The following CEP120 variants were observed in gnomAD, a reference collection of about 807,000 sequenced individuals.
CEP120 encodes the protein centrosomal protein of 120 kDa.
CEP120 carries 113 observed loss-of-function variants against 126.5 expected under a neutral mutation model. The ratio of observed to expected loss-of-function variants is 0.89; its 90% CI spans 0.77 to 1.04. CEP120 has a LOEUF of 1.04. Among genes scored for constraint, CEP120 ranks in the 50% least tolerant of loss-of-function variants. The pLI, the probability that CEP120 is intolerant of heterozygous loss-of-function variation, is 0.00. For synonymous variants in CEP120, 400 were observed against 394.3 expected, an observed-to-expected ratio of 1.01 and a Z score of -0.17; for missense variants, 1,230 against 1,155.7, an observed-to-expected ratio of 1.06 and a Z score of -0.93.
chr5:123,393,140 C>T (rs1467076692), intron 6 of CEP120, among the ~76,000 whole-genome samples, 160 bp downstream of exon 6: 2 of 152,032 alleles, frequency 1.3e-5, no homozygotes, highest in African/African-American at 4.8e-5. Context: ...AACTTCATGA[C>T]TCAGGATAGT....
At position 123,377,400 on chromosome 5, in the gene CEP120, CTTCGAGCTG is replaced by C; in HGVS notation, c.2323_2331del (p.Gln775_Glu777del). ...TGTTGCTGAAGGCGGTGTTTATCCT[CTTCGAGCTG>C]TTTGATTTTTAACCTTTCTAGTTCT... On this transcript the variant is annotated inframe_deletion, in exon 16 of 20. Coordinates refer to ENST00000306467, the MANE Select transcript of CEP120 (RefSeq NM_001375405.1). The C allele has an allele frequency of 6.2e-7, 1 of 1,610,492 alleles. No homozygotes were observed. Among genetic ancestry groups the C allele is most frequent in the Non-Finnish European group, 8.5e-7 (1 of 1,178,924 alleles).
intron 18 of CEP120, among the ~76,000 whole-genome samples, chr5:123,352,338 A>G (rs1016174373): frequency 1.3e-5 from 2 of 151,918 alleles, no homozygotes; most frequent in African/African-American, 4.8e-5. Context: ...GCTCTTTCCT[A>G]TTTAAGACAT....
At chr5:123,401,793 T>G (rs1391134487) in intron 4 of CEP120, 2 of 1,291,358 alleles carry the variant, frequency 1.5e-6, no homozygotes, top group Non-Finnish European at 2.2e-6. Context: ...TGCACGCTTA[T>G]TGATCTCATC....
At chr5:123,359,693 T>C (rs1769926920) in intron 18 of CEP120, among the ~76,000 whole-genome samples, 1 of 152,032 alleles carries the variant, frequency 6.6e-6, no homozygotes, top group Admixed American at 6.6e-5. Context: ...TGCTTATTTA[T>C]ATTTTACAGC....
rs760793869 is a variant in CEP120 at position 123,391,307 on chromosome 5, C to T, written c.841G>A (p.Gly281Arg). 1 of 1,613,998 alleles carries T rather than the reference C, an allele frequency of 6.2e-7. No individual in the cohort carries two copies. Among genetic ancestry groups the T allele is most frequent in the Admixed American group, 1.7e-5 (1 of 60,018 alleles). Residue 281 changes from glycine to arginine, a missense_variant, in exon 7 of 20, where the codon GGA becomes AGA. Coordinates refer to ENST00000306467, the MANE Select transcript of CEP120 (RefSeq NM_001375405.1). Reference protein sequence around the residue: ...IHLCCGDQSLGSTEIPLTGLL... With the variant: ...IHLCCGDQSLRSTEIPLTGLL... ...CCAGTTAAAGGTATTTCTGTACTTC[C>T]AAGTGACTGGTCTCCACAGCAGAGG... is the stretch of plus-strand genomic sequence containing the variant.
At chr5:123,421,654 T>C (rs1227464868) in intron 1 of CEP120, among the ~76,000 whole-genome samples, 3 of 149,908 alleles carry the variant, frequency 2.0e-5, no homozygotes, top group Admixed American at 2.0e-4. Context: ...TTAAATATTA[T>C]ACCCCAACAT....
In CEP120 at chr5:123,423,186, G is replaced by T. The variant is rs1774837718; in HGVS notation, c.-188C>A. 1.6e-6 allele frequency: 1 copy of T among 606,436 alleles called. No individual in the cohort carries two copies. Among genetic ancestry groups the T allele is most frequent in the East Asian group, 2.8e-5 (1 of 36,112 alleles). The allele number at this position is 606,436 out of a possible 1,614,324, so 37.6% of individuals were successfully genotyped here. Reference sequence around the variant, plus strand: ...GCGCCCGGCTCCTCTGCCTCGGGCCGCCAGCCCAGATCCTAACTGTGCCCC... The same window carrying T: ...GCGCCCGGCTCCTCTGCCTCGGGCCTCCAGCCCAGATCCTAACTGTGCCCC... On this transcript the variant is annotated 5_prime_UTR_variant, in exon 1 of 20. Coordinates refer to ENST00000306467, the MANE Select transcript of CEP120 (RefSeq NM_001375405.1).
intron 9 of CEP120, 93 bp downstream of exon 9, chr5:123,388,337 AAC>A: frequency 1.2e-6 from 1 of 812,928 alleles, no homozygotes; most frequent in Non-Finnish European, 1.8e-6. Context: ...CAAATGTTAT[AAC>A]TTCTTTGGTG....
intron 2 of CEP120, 78 bp from the exon 3 acceptor site, chr5:123,416,202 T>C: frequency 1.3e-6 from 1 of 777,260 alleles, no homozygotes. Context: ...TTTCCTATTA[T>C]CAAGATACTT....
In CEP120 at chr5:123,377,382, G is replaced by C; in HGVS notation, c.2350C>G (p.Gln784Glu). ...CAAGTACGTTATCCAACCTGTTGCT[G>C]AAGGCGGTGTTTATCCTCTTCGAGC... is the stretch of plus-strand genomic sequence containing the variant. ...KQLEEDKHRL[Q>E]QQLNDAENKY... The change falls in exon 16 of 20, where the codon CAG (glutamine) becomes GAG (glutamate). Residue 784 changes from glutamine to glutamate, a missense_variant. Physicochemically the swap from Gln to Glu is conservative, Grantham distance 29. Transcript: ENST00000306467. 2 of 1,607,370 alleles carry C rather than the reference G, an allele frequency of 1.2e-6. No homozygotes were observed. The highest frequency in any genetic ancestry group is 3.3e-4 in the Middle Eastern group (2 of 6,040).
At chr5:123,401,728 A>C (rs9763676) in intron 4 of CEP120, 580,852 of 1,301,384 alleles carry the variant, frequency 0.45, 130,983 homozygotes, top group Middle Eastern at 0.49. Context: ...CTACCTTGTT[A>C]ATGTAAGCTT....
At chr5:123,402,988 T>C (rs10477645) in intron 4 of CEP120, among the ~76,000 whole-genome samples, 109,490 of 152,184 alleles carry the variant, frequency 0.72, 39,627 homozygotes, top group African/African-American at 0.78. Flanking sequence ...GCCAGTGCCT[T>C]GATCTTGAAC....
intron 18 of CEP120, among the ~76,000 whole-genome samples, chr5:123,359,767 A>T (rs1268794664): frequency 6.6e-6 from 1 of 151,728 alleles, no homozygotes; most frequent in Non-Finnish European, 1.5e-5. Flanking sequence ...GAATCAAAAG[A>T]AAAGATTTTT....
At position 123,378,355 on chromosome 5, in the gene CEP120, A is replaced by C. The variant is rs1554102026; in HGVS notation, c.2177T>G (p.Leu726Arg). Residue 726 changes from leucine (L) to arginine (R), a missense_variant, in exon 15 of 20, where the codon CTT becomes CGT. Coordinates refer to ENST00000306467, the MANE Select transcript of CEP120 (RefSeq NM_001375405.1). ...ACATACCTCTGATTCCACACTAGCA[A>C]GCTGCTGCTCTCGCTTCTCCAAGTC... ...LIDLEKREQQ[L>R]ASVESELQRE... The C allele has an allele frequency of 6.2e-7, 1 of 1,607,826 alleles. No individual in the cohort carries two copies. Among genetic ancestry groups the C allele is most frequent in the African/African-American group, 1.3e-5 (1 of 74,274 alleles).
chr5:123,414,745 T>C (rs1371238856), intron 3 of CEP120, among the ~76,000 whole-genome samples: 1 of 151,768 alleles, frequency 6.6e-6, no homozygotes, highest in East Asian at 1.9e-4. Context: ...GGCCGGTGGT[T>C]CATGAGGTCA....
chr5:123,384,967 C>A lies in CEP120; in HGVS notation c.1747G>T (p.Val583Phe), dbSNP rs770298645. Residue 583 changes from valine to phenylalanine, a missense_variant, in exon 11 of 20, where the codon GTT becomes TTT. By Grantham distance (50) the Val-to-Phe change is conservative (BLOSUM62 -1). Coordinates refer to ENST00000306467, the MANE Select transcript of CEP120 (RefSeq NM_001375405.1). ...ATGCATTACCCTTGTGCTGCTATAA[C>A]AGGCACACTTTCACTGTAAGTTTGA... ...WRQTYSESVP[V>F]IAAQGSNNRI... 2 of 1,609,544 alleles carry A rather than the reference C, an allele frequency of 1.2e-6. No individual in the cohort carries two copies. The highest frequency in any genetic ancestry group is 4.5e-5 in the East Asian group (2 of 44,720).
intron 18 of CEP120, among the ~76,000 whole-genome samples, chr5:123,352,160 T>C (rs557381548): frequency 1.3e-5 from 2 of 152,110 alleles, no homozygotes; most frequent in Admixed American, 6.6e-5. Flanking sequence ...TCTTCTGTTA[T>C]TGATGTTTAT....
At chr5:123,369,880 A>T (rs951510907) in intron 17 of CEP120, among the ~76,000 whole-genome samples, 1 of 152,052 alleles carries the variant, frequency 6.6e-6, no homozygotes, top group Non-Finnish European at 1.5e-5. Context: ...GTCTTGTTCA[A>T]TGCAAGACTA....
At chr5:123,401,276 C>A in intron 4 of CEP120, 1 of 1,609,020 alleles carries the variant, frequency 6.2e-7, no homozygotes, top group Non-Finnish European at 8.5e-7. Context: ...GGGCGGCCTC[C>A]AGCTCGACAA....
Sources: gnomAD v4.1 joint callset for allele counts (sites outside exome capture counted in the v4.1 genomes callset) on GRCh38, gnomAD v4.1.1 for gene constraint, MANE v1.5 for transcripts, NCBI Gene and HGNC (gene_info 2026-07-23, HGNC 2026-07-21) for gene names.